MEIOB: variants seen among roughly 807,000 people sequenced by gnomAD.
MEIOB encodes meiosis-specific with OB domain-containing protein.
MEIOB carries 50 observed loss-of-function variants against 53.1 expected under a neutral mutation model. That is an observed-to-expected ratio of 0.94 (90% CI 0.75 to 1.19). The LOEUF is 1.19. Ranked by LOEUF, MEIOB falls within the 50% of genes most tolerant of loss-of-function variation. The probability of loss-of-function intolerance (pLI) is 0.00; values close to 1 mark genes in which losing one functional copy is unlikely to be tolerated. For synonymous variants in MEIOB, 192 were observed against 182.5 expected, an observed-to-expected ratio of 1.05 and a Z score of -0.42; for missense variants, 551 against 550.8, an observed-to-expected ratio of 1.00 and a Z score of 0.00.
At chr16:1,845,246 G>GCAGTGGCT (rs1452619826) in intron 9 of MEIOB, among the ~76,000 whole-genome samples, 2 of 152,176 alleles carry the variant, frequency 1.3e-5, no homozygotes, top group Non-Finnish European at 2.9e-5. Flanking sequence ...GGGACCGGGC[G>GCAGTGGCT]CAGTGGCTCA....
chr16:1,837,876 T>A lies in MEIOB; in HGVS notation c.1219-6A>T, dbSNP rs934882655. 5 of 1,346,748 alleles carry A rather than the reference T, an allele frequency of 3.7e-6. No individual in the cohort carries two copies. In the African/African-American group the frequency reaches 7.5e-5, roughly 20 times the overall value. The allele number at this position is 1,346,748 out of a possible 1,614,324, so 83.4% of individuals were successfully genotyped here. On this transcript the variant is annotated splice_region_variant and splice_polypyrimidine_tract_variant and intron_variant, in intron 12 of 13. Transcript: ENST00000325962. The stretch of plus-strand genomic sequence containing the variant: ...ATTGCAAGAAACTCATGTACCTGGT[T>A]AAAAAAAAAATATGAGACAAATATA...
At chr16:1,838,307 C>G (rs62038406) in intron 12 of MEIOB, among the ~76,000 whole-genome samples, 4 of 151,972 alleles carry the variant, frequency 2.6e-5, no homozygotes, top group African/African-American at 4.8e-5. Context: ...GCCAACTCAA[C>G]TGTTTTGATA....
intron 9 of MEIOB, among the ~76,000 whole-genome samples, chr16:1,851,909 G>A (rs1179371490): frequency 1.3e-5 from 2 of 152,082 alleles, no homozygotes; most frequent in South Asian, 2.1e-4. Flanking sequence ...CTGGCTTGAC[G>A]GTTATGTCTG....
At chr16:1,852,804 C>T (rs1899205422) in intron 9 of MEIOB, among the ~76,000 whole-genome samples, 1 of 152,208 alleles carries the variant, frequency 6.6e-6, no homozygotes, top group African/African-American at 2.4e-5. Flanking sequence ...GATCCACCTG[C>T]CTTGGCCTCC....
intron 4 of MEIOB, among the ~76,000 whole-genome samples, chr16:1,861,481 T>C (rs1432252796): frequency 2.0e-5 from 3 of 150,408 alleles, no homozygotes; most frequent in Non-Finnish European, 3.0e-5. Context: ...AGTAAAAATA[T>C]AACTATCACA....
chr16:1,840,577 T>G (rs1898880047), intron 11 of MEIOB, among the ~76,000 whole-genome samples: 1 of 150,988 alleles, frequency 6.6e-6, no homozygotes. Flanking sequence ...ACAGTCTCGC[T>G]CTGTCGCCCA....
In MEIOB at chr16:1,872,050, C is replaced by A. The variant is rs928638355; in HGVS notation, c.-67G>T. On this transcript the variant is annotated 5_prime_UTR_variant, in exon 1 of 14. Coordinates refer to ENST00000325962, the MANE Select transcript of MEIOB (RefSeq NM_001163560.3). Reference sequence around the variant, plus strand: ...CTGCACAGCTGCCGCCGCGGCCTCGCGGACCTGGCCCGCCCGACCCCCGGG... The same window carrying A: ...CTGCACAGCTGCCGCCGCGGCCTCGAGGACCTGGCCCGCCCGACCCCCGGG... 1 of 151,244 alleles carries A rather than the reference C, an allele frequency of 6.6e-6. No homozygotes were observed. 9.4% of individuals were successfully genotyped at this position (151,244 alleles called of 1,614,324 possible). A position where few individuals can be genotyped will look rare whatever the true frequency, so the allele number is the denominator to read the frequency against.
At chr16:1,849,119 T>C (rs1464500018) in intron 9 of MEIOB, among the ~76,000 whole-genome samples, 1 of 151,650 alleles carries the variant, frequency 6.6e-6, no homozygotes, top group African/African-American at 2.4e-5. Flanking sequence ...ACCCCGTCTC[T>C]ACGAAAAGTA....
Position 1,853,071 on chromosome 16 carries a change from A to G in MEIOB, c.746T>C (p.Val249Ala). 6.2e-7 allele frequency: 1 copy of G among 1,612,528 alleles called. No individual in the cohort carries two copies. The highest frequency in any genetic ancestry group is 8.5e-7 in the Non-Finnish European group (1 of 1,178,832). The change falls in exon 9 of 14, where the codon GTA (valine) becomes GCA (alanine). Residue 249 changes from valine to alanine, a missense_variant. By Grantham distance (64) the Val-to-Ala change is moderately conservative. Coordinates refer to ENST00000325962, the MANE Select transcript of MEIOB (RefSeq NM_001163560.3). ...DKFRNCMTAT[V>A]ISKTIITTNP... ...AGTTGTAATAATGGTTTTTGAGATT[A>G]CAGTTGCTGTCATGCAGTTCCGAAA...
intron 9 of MEIOB, among the ~76,000 whole-genome samples, chr16:1,845,909 A>G (rs578009020): frequency 8.2e-4 from 125 of 152,166 alleles, no homozygotes; most frequent in African/African-American, 2.7e-3. Context: ...TTGTCCTGAC[A>G]ATGTCTGTAC....
Position 1,860,395 on chromosome 16 carries a change from A to G in MEIOB, c.332+8T>C. The G allele has an allele frequency of 6.8e-7, 1 of 1,469,110 alleles. No homozygotes were observed. The highest frequency in any genetic ancestry group is 9.3e-7 in the Non-Finnish European group (1 of 1,072,504). 91.0% of individuals were successfully genotyped at this position (1,469,110 alleles called of 1,614,324 possible). On this transcript the variant is annotated splice_region_variant and intron_variant, in intron 5 of 13. Transcript: ENST00000325962. ...CTCGCACAATCTCTGTGCTAGACAG[A>G]TGCTTACCTAGGAGTTGCAGGGCTG...
intron 9 of MEIOB, among the ~76,000 whole-genome samples, 177 bp from the exon 10 acceptor site, chr16:1,845,140 A>G (rs1013628541): frequency 2.6e-5 from 4 of 152,248 alleles, no homozygotes; most frequent in African/African-American, 9.6e-5. Context: ...AGAGAGATGT[A>G]CACCACATTA....
chr16:1,839,344 G>A lies in MEIOB; in HGVS notation c.1129C>T (p.His377Tyr). The A allele has an allele frequency of 1.9e-6, 3 of 1,614,198 alleles. No homozygotes were observed. Among genetic ancestry groups the A allele is most frequent in the East Asian group, 2.2e-5 (1 of 44,892 alleles). The change falls in exon 12 of 14, where the codon CAT becomes TAT. Residue 377 changes from histidine to tyrosine, a missense_variant. Transcript: ENST00000325962. Reference sequence around the variant, plus strand: ...TGATCAGTCAGATCAATCAGCACATGGAAACTGAGAAAGACAGATTTAAAG... The same window carrying A: ...TGATCAGTCAGATCAATCAGCACATAGAAACTGAGAAAGACAGATTTAAAG... ...LDFKSVFLSFHVLIDLTDHTG... is the reference protein window; with the variant it reads ...LDFKSVFLSFYVLIDLTDHTG...
At chr16:1,851,592 C>A (rs1899174488) in intron 9 of MEIOB, among the ~76,000 whole-genome samples, 1 of 152,164 alleles carries the variant, frequency 6.6e-6, no homozygotes, top group South Asian at 2.1e-4. Flanking sequence ...CAATTCGGGG[C>A]ATGCACATCT....
At chr16:1,861,901 T>G in intron 4 of MEIOB, 84 bp downstream of exon 4, 1 of 1,319,550 alleles carries the variant, frequency 7.6e-7, no homozygotes, top group South Asian at 1.4e-5. Context: ...GTGTCTCATT[T>G]CAACTCCTTC....
chr16:1,868,096 T>C lies in MEIOB; in HGVS notation c.69+11A>G, dbSNP rs112479693. On this transcript the variant is annotated intron_variant, in intron 2 of 13. Transcript: ENST00000325962. ...CATCAGTAAGCAAATCACCACATTA[T>C]TGAAACCTACCAGATTAGCCATATT... 2.7e-5 allele frequency: 39 copies of C among 1,440,100 alleles called. 1 individual carries two copies. The African/African-American group carries it at 3.0e-4, about 11-fold the overall frequency. The allele number at this position is 1,440,100 out of a possible 1,614,324, so 89.2% of individuals were successfully genotyped here.
rs570949135 is a variant in MEIOB at position 1,849,121 on chromosome 16, C to T, written c.778+3918G>A. ...GAAACACTGCAAAACCCCGTCTCTA[C>T]GAAAAGTACAAAAATTAGGCTGGGC... On this transcript the variant is annotated intron_variant, in intron 9 of 13. Coordinates refer to ENST00000325962, the MANE Select transcript of MEIOB (RefSeq NM_001163560.3). Among the ~76,000 whole-genome samples, 12 of 151,756 alleles carry T rather than the reference C, an allele frequency of 7.9e-5. No homozygotes were observed. The East Asian group carries it at 2.4e-3, about 30-fold the overall frequency.
chr16:1,848,522 C>A (rs1275305531), intron 9 of MEIOB, among the ~76,000 whole-genome samples: 1 of 150,966 alleles, frequency 6.6e-6, no homozygotes, highest in East Asian at 1.9e-4. Flanking sequence ...TCATCTTATC[C>A]CTTCTCCTTT....
chr16:1,869,635 T>C (rs969653123), intron 1 of MEIOB, among the ~76,000 whole-genome samples: 1 of 151,336 alleles, frequency 6.6e-6, no homozygotes, highest in Non-Finnish European at 1.5e-5. Flanking sequence ...GCATTTTTAG[T>C]AGAGACGGGG....
Sources: gnomAD v4.1 joint callset for allele counts (sites outside exome capture counted in the v4.1 genomes callset) on GRCh38, gnomAD v4.1.1 for gene constraint, MANE v1.5 for transcripts, NCBI Gene and HGNC (gene_info 2026-07-23, HGNC 2026-07-21) for gene names.